The following GCNT1 variants were observed in gnomAD, a reference collection of about 807,000 sequenced individuals.
The protein encoded by GCNT1 is beta-1,3-galactosyl-O-glycosyl-glycoprotein beta-1,6-N-acetylglucosaminyltransferase.
A neutral mutation model predicts 26.2 loss-of-function variants in GCNT1; 16 were observed. That is an observed-to-expected ratio of 0.61 (90% CI 0.41 to 0.93). The LOEUF is 0.93. GCNT1 is among the 40% of genes least tolerant of loss of function. The pLI, the probability that GCNT1 is intolerant of heterozygous loss-of-function variation, is 0.00. For synonymous variants in GCNT1, 183 were observed against 190.8 expected (o/e 0.96, Z 0.34); for missense variants, 477 against 526.7 (o/e 0.91, Z 0.92).
chr9:76,447,204 A>G (rs1358410815), intron 1 of GCNT1, among the ~76,000 whole-genome samples: 1 of 141,712 alleles, frequency 7.1e-6, no homozygotes, highest in Non-Finnish European at 1.5e-5. Flanking sequence ...TGGTATGTGG[A>G]TATTGCTGAA....
chr9:76,416,970 G>A (rs541325727), upstream of GCNT1, among the ~76,000 whole-genome samples: 151 of 152,278 alleles, frequency 9.9e-4, no homozygotes, highest in Non-Finnish European at 1.8e-3. Context: ...TAAGGCAGGA[G>A]AATCATTTGA....
At chr9:76,475,913 C>T (rs1015563120) in intron 2 of GCNT1, among the ~76,000 whole-genome samples, 53 of 152,284 alleles carry the variant, frequency 3.5e-4, no homozygotes, top group Non-Finnish European at 2.9e-5. Flanking sequence ...TTCTGTTTGA[C>T]TTCACACTTC....
At chr9:76,479,659 CTTTT>C (rs1210937502) in intron 2 of GCNT1, among the ~76,000 whole-genome samples, 1 of 152,152 alleles carries the variant, frequency 6.6e-6, no homozygotes, top group East Asian at 1.9e-4. Context: ...TAAATGTCTT[CTTTT>C]GAGAAGTGTC....
At chr9:76,394,584 G>C in the GCNT1 span, 1 of 127,012 alleles carries the variant, frequency 7.9e-6, no homozygotes, top group African/African-American at 3.0e-5. Context: ...TGCCTCGCCC[G>C]GCTCCCGCCG....
At chr9:76,399,292 G>C in the GCNT1 span, 1 of 1,405,962 alleles carries the variant, frequency 7.1e-7, no homozygotes, top group Non-Finnish European at 1.0e-6. Context: ...GGGAGGTCAT[G>C]CCTGATCTCT....
At chr9:76,436,769 G>A (rs1823416600), upstream of GCNT1, among the ~76,000 whole-genome samples, 1 of 152,138 alleles carries the variant, frequency 6.6e-6, no homozygotes. Context: ...GGAAGTAAAG[G>A]CAATGGATAG....
At chr9:76,453,255 A>G (rs528602214) in intron 1 of GCNT1, among the ~76,000 whole-genome samples, 1 of 152,238 alleles carries the variant, frequency 6.6e-6, no homozygotes, top group East Asian at 1.9e-4. Flanking sequence ...TGAGTTGAGG[A>G]GCTGGAGTGG....
At chr9:76,498,142 G>T (rs1260295801) in intron 2 of GCNT1, among the ~76,000 whole-genome samples, 2 of 152,126 alleles carry the variant, frequency 1.3e-5, no homozygotes, top group African/African-American at 2.4e-5. Flanking sequence ...TATGGAACTT[G>T]TGTGAGACCT....
the GCNT1 span, among the ~76,000 whole-genome samples, chr9:76,400,857 C>G: frequency 6.6e-6 from 1 of 152,146 alleles, no homozygotes; most frequent in Admixed American, 6.5e-5. Context: ...GATCATATTT[C>G]CAAGAAAGGG....
intron 2 of GCNT1, among the ~76,000 whole-genome samples, chr9:76,490,801 T>A (rs1824713742): frequency 1.3e-5 from 2 of 152,240 alleles, no homozygotes; most frequent in African/African-American, 4.8e-5. Flanking sequence ...ATACCCATTG[T>A]GTCTTTTCCT....
At chr9:76,432,939 A>G (rs1024575945) in intron 1 of GCNT1, among the ~76,000 whole-genome samples, 2 of 151,606 alleles carry the variant, frequency 1.3e-5, no homozygotes, top group Non-Finnish European at 2.9e-5. Context: ...GCTTTTTTGG[A>G]TACTCACAAA....
At chr9:76,395,213 T>C in the GCNT1 span, among the ~76,000 whole-genome samples, 1 of 152,204 alleles carries the variant, frequency 6.6e-6, no homozygotes, top group East Asian at 1.9e-4. Context: ...TCACAGGATA[T>C]GCAGGGTGCA....
At chr9:76,397,632 CAG>C in the GCNT1 span, among the ~76,000 whole-genome samples, 1 of 151,980 alleles carries the variant, frequency 6.6e-6, no homozygotes, top group Non-Finnish European at 1.5e-5. Context: ...TTAATAGAGA[CAG>C]GGTTTCATCA....
chr9:76,504,600 G>T lies in GCNT1; in HGVS notation c.*932G>T, dbSNP rs1424176015. On this transcript the variant is annotated 3_prime_UTR_variant, in exon 4 of 4. Transcript: ENST00000376730. ...TTGAGGGGCTGGGGAGTGGGAGGGG[G>T]GAGAAAAGGAATGTATTTAAACAAT... 1 of 410,276 alleles carries T rather than the reference G, an allele frequency of 2.4e-6. No individual in the cohort carries two copies. The highest frequency in any genetic ancestry group is 2.1e-5 in the African/African-American group (1 of 48,512). The allele number at this position is 410,276 out of a possible 1,614,324, so 25.4% of individuals were successfully genotyped here.
At chr9:76,454,386 GAAAAAAAAAA>G (rs71372084), upstream of GCNT1, among the ~76,000 whole-genome samples, 904 of 39,626 alleles carry the variant, frequency 0.023, 13 homozygotes, top group African/African-American at 0.073. Flanking sequence ...TCTCAGAAAA[GAAAAAAAAAA>G]AAAAAAAAAA....
At chr9:76,451,964 T>G (rs1398516017) in intron 1 of GCNT1, among the ~76,000 whole-genome samples, 13 of 90,450 alleles carry the variant, frequency 1.4e-4, no homozygotes, top group East Asian at 1.2e-3. Context: ...TTTTTTTTTT[T>G]TTGTTGTTGT....
At chr9:76,418,031 C>T (rs565523878), upstream of GCNT1, among the ~76,000 whole-genome samples, 12 of 152,198 alleles carry the variant, frequency 7.9e-5, no homozygotes, top group East Asian at 1.2e-3. Flanking sequence ...CCAAGGTGGT[C>T]GGGGTACAGC....
chr9:76,396,097 T>G, the GCNT1 span, among the ~76,000 whole-genome samples: 3 of 152,218 alleles, frequency 2.0e-5, no homozygotes, highest in Non-Finnish European at 4.4e-5. Flanking sequence ...GGTGAGAACT[T>G]GATAAATCAT....
intron 2 of GCNT1, among the ~76,000 whole-genome samples, chr9:76,489,149 G>T (rs1447751137): frequency 6.6e-6 from 1 of 152,188 alleles, no homozygotes; most frequent in Non-Finnish European, 1.5e-5. Context: ...ATGGAAGCTG[G>T]TTCTAAAAGG....
Sources: gnomAD v4.1 joint callset for allele counts (sites outside exome capture counted in the v4.1 genomes callset) on GRCh38, gnomAD v4.1.1 for gene constraint, MANE v1.5 for transcripts, NCBI Gene and HGNC (gene_info 2026-07-23, HGNC 2026-07-21) for gene names.